Variants in NDUFA5 observed in about 807,000 individuals in gnomAD.
The protein encoded by NDUFA5 is NADH:ubiquinone oxidoreductase subunit A5, also known as NADH dehydrogenase [ubiquinone] 1 alpha subcomplex subunit 5.
Under a neutral mutation model 19.8 loss-of-function variants are expected in NDUFA5, and 11 were observed. The ratio of observed to expected loss-of-function variants is 0.56; its 90% CI spans 0.35 to 0.92. The LOEUF is 0.92. Among genes scored for constraint, NDUFA5 ranks in the 40% least tolerant of loss-of-function variants. The pLI, the probability that NDUFA5 is intolerant of heterozygous loss-of-function variation, is 0.01. For missense variants in NDUFA5, 109 were observed against 134.2 expected, an observed-to-expected ratio of 0.81 and a Z score of 0.93; for synonymous variants, 47 against 46.8, an observed-to-expected ratio of 1.00 and a Z score of -0.01.
rs1797804918 is a variant in NDUFA5, at chr7:123,538,063, GCA to G, written c.*4054_*4055del. 1 of 151,902 alleles carries G rather than the reference GCA, an allele frequency of 6.6e-6. No individual in the cohort carries two copies. Among genetic ancestry groups the G allele is most frequent in the Non-Finnish European group, 1.5e-5 (1 of 67,972 alleles). 9.4% of individuals were successfully genotyped at this position (151,902 alleles called of 1,614,324 possible). On this transcript the variant is annotated 3_prime_UTR_variant, in exon 5 of 5. Transcript: ENST00000355749. ...GCAAGTTCAATTCATAAATTTTGTG[GCA>G]CAGTCAAAAAAAAATTTAACCTTGG... is the stretch of plus-strand genomic sequence containing the variant.
chr7:123,591,390 G>A, the NDUFA5 span, among the ~76,000 whole-genome samples: 1 of 152,154 alleles, frequency 6.6e-6, no homozygotes, highest in Non-Finnish European at 1.5e-5. Flanking sequence ...TTTTCAAAAG[G>A]AATGCTTCCA....
the NDUFA5 span, among the ~76,000 whole-genome samples, chr7:123,597,064 C>T: frequency 6.6e-6 from 1 of 152,228 alleles, no homozygotes; most frequent in Non-Finnish European, 1.5e-5. Flanking sequence ...ATCCCTCTTA[C>T]ACACGGTTTT....
chr7:123,540,277 T>C lies in NDUFA5; in HGVS notation c.*1842A>G, dbSNP rs1336688635. The C allele has an allele frequency of 6.6e-6, 1 of 152,216 alleles. No individual in the cohort carries two copies. Among genetic ancestry groups the C allele is most frequent in the Non-Finnish European group, 1.5e-5 (1 of 68,036 alleles). The allele number at this position is 152,216 out of a possible 1,614,324, so 9.4% of individuals were successfully genotyped here. A position where few individuals can be genotyped will look rare whatever the true frequency, so the allele number is the denominator to read the frequency against. ...GCTATTATTGTTATAATATTATTTT[T>C]ACAATGACTATTATTCTGCAACTAG... On this transcript the variant is annotated 3_prime_UTR_variant, in exon 5 of 5. Coordinates refer to ENST00000355749, the MANE Select transcript of NDUFA5 (RefSeq NM_005000.5).
At chr7:123,562,163 T>C (rs1798697846), upstream of NDUFA5, among the ~76,000 whole-genome samples, 1 of 152,142 alleles carries the variant, frequency 6.6e-6, no homozygotes, top group Admixed American at 6.6e-5. Flanking sequence ...ACCAGGTACA[T>C]TTTCAATGAG....
intron 2 of NDUFA5, among the ~76,000 whole-genome samples, chr7:123,553,853 T>C (rs1249683409): frequency 6.6e-6 from 1 of 152,212 alleles, no homozygotes; most frequent in Non-Finnish European, 1.5e-5. Context: ...ATTATTTTTC[T>C]ATAGCAGAAG....
At chr7:123,569,377 A>T in the NDUFA5 span, among the ~76,000 whole-genome samples, 28 of 152,352 alleles carry the variant, frequency 1.8e-4, no homozygotes, top group African/African-American at 6.5e-4. Flanking sequence ...AGGGGAAAAA[A>T]TGTGGTCCAG....
the NDUFA5 span, among the ~76,000 whole-genome samples, chr7:123,567,555 A>G: frequency 0.16 from 24,096 of 152,124 alleles, 2,099 homozygotes; most frequent in South Asian, 0.22. Context: ...ACTGGGTCCT[A>G]CCAAAGTTAG....
At chr7:123,588,630 T>G in the NDUFA5 span, among the ~76,000 whole-genome samples, 2 of 151,398 alleles carry the variant, frequency 1.3e-5, no homozygotes, top group African/African-American at 4.8e-5. Context: ...GTTATTTTGT[T>G]TTTCTTTTTC....
the NDUFA5 span, among the ~76,000 whole-genome samples, chr7:123,580,827 G>T: frequency 6.6e-6 from 1 of 151,920 alleles, no homozygotes; most frequent in Admixed American, 6.6e-5. Context: ...AATAAACATA[G>T]CCATCATTAT....
At chr7:123,576,065 T>C in the NDUFA5 span, among the ~76,000 whole-genome samples, 2 of 151,294 alleles carry the variant, frequency 1.3e-5, no homozygotes, top group Non-Finnish European at 3.0e-5. Flanking sequence ...TATGTAAATA[T>C]ACATATAAAT....
At chr7:123,585,818 T>TATC in the NDUFA5 span, among the ~76,000 whole-genome samples, 2 of 151,852 alleles carry the variant, frequency 1.3e-5, no homozygotes, top group South Asian at 4.1e-4. Flanking sequence ...ATATAAGAGA[T>TATC]ATCATGCAGT....
rs1010415749 is a variant in NDUFA5 at position 123,540,270 on chromosome 7, T to C, written c.*1849A>G. The stretch of plus-strand genomic sequence containing the variant: ...AACATTAGCTATTATTGTTATAATA[T>C]TATTTTTACAATGACTATTATTCTG... On this transcript the variant is annotated 3_prime_UTR_variant, in exon 5 of 5. Coordinates refer to ENST00000355749, the MANE Select transcript of NDUFA5 (RefSeq NM_005000.5). The C allele has an allele frequency of 1.3e-5, 2 of 152,196 alleles. No individual in the cohort carries two copies. Among genetic ancestry groups the C allele is most frequent in the Non-Finnish European group, 2.9e-5 (2 of 68,040 alleles). 9.4% of individuals were successfully genotyped at this position (152,196 alleles called of 1,614,324 possible).
the NDUFA5 span, among the ~76,000 whole-genome samples, chr7:123,575,666 T>C: frequency 6.6e-6 from 1 of 152,070 alleles, no homozygotes; most frequent in African/African-American, 2.4e-5. Flanking sequence ...ACCTTTATCT[T>C]TGAAGGACAG....
At chr7:123,585,738 C>T in the NDUFA5 span, among the ~76,000 whole-genome samples, 3 of 151,632 alleles carry the variant, frequency 2.0e-5, 1 homozygote, top group South Asian at 6.2e-4. Flanking sequence ...AGTTACCATG[C>T]TGTACATTAG....
At chr7:123,587,793 G>C in the NDUFA5 span, among the ~76,000 whole-genome samples, 9 of 151,658 alleles carry the variant, frequency 5.9e-5, no homozygotes, top group Non-Finnish European at 1.5e-5. Flanking sequence ...CAGTTGAGAT[G>C]ATCATGATTT....
intron 3 of NDUFA5, among the ~76,000 whole-genome samples, chr7:123,549,071 G>A (rs888198273): frequency 2.0e-5 from 3 of 152,170 alleles, no homozygotes; most frequent in South Asian, 2.1e-4. Context: ...TAGGTTATAT[G>A]CAAATACTAT....
At position 123,557,789 on chromosome 7, in the gene NDUFA5, C is replaced by T. The variant is rs142796340; in HGVS notation, c.7G>A (p.Gly3Ser). ...ATTCGTCTCACCTTCTTCAGCACAC[C>T]CGCCATGACAGCGCCAACGACTCGG... is the stretch of plus-strand genomic sequence containing the variant. MA[G>S]VLKKTTGLVG... The change falls in exon 1 of 5, where the codon GGT (glycine) becomes AGT (serine). Residue 3 changes from glycine to serine, a missense_variant. Gly to Ser is a moderately conservative substitution (Grantham distance 56). Coordinates refer to ENST00000355749, the MANE Select transcript of NDUFA5 (RefSeq NM_005000.5). 2.5e-6 allele frequency: 4 copies of T among 1,613,942 alleles called. No individual in the cohort carries two copies. The highest frequency in any genetic ancestry group is 1.6e-4 in the Middle Eastern group (1 of 6,084).
rs201784621 is a variant in NDUFA5, at chr7:123,540,883, T to TGCGCGCGCGCGCGCGCGC, written c.*1235_*1236insGCGCGCGCGCGCGCGCGC. Reference sequence around the variant, plus strand: ...TTCTCATTCTGAGCAAATGTGCGCATGCGCGTGCACACACACACACACACA... The same window carrying TGCGCGCGCGCGCGCGCGC: ...TTCTCATTCTGAGCAAATGTGCGCATGCGCGCGCGCGCGCGCGCGCGCGTGCACACACACACACACACA... On this transcript the variant is annotated 3_prime_UTR_variant, in exon 5 of 5. Transcript: ENST00000355749. The TGCGCGCGCGCGCGCGCGC allele has an allele frequency of 1.1e-5, 1 of 88,914 alleles. No homozygotes were observed. The highest frequency in any genetic ancestry group is 5.0e-5 in the African/African-American group (1 of 20,078). 5.5% of individuals were successfully genotyped at this position (88,914 alleles called of 1,614,324 possible). A position where few individuals can be genotyped will look rare whatever the true frequency, so the allele number is the denominator to read the frequency against.
chr7:123,573,562 C>T, the NDUFA5 span, among the ~76,000 whole-genome samples: 1 of 152,114 alleles, frequency 6.6e-6, no homozygotes, highest in African/African-American at 2.4e-5. Context: ...CTCTAGCCTC[C>T]CTCCCCCTGC....
Sources: allele counts gnomAD v4.1 joint callset (sites outside exome capture counted in the v4.1 genomes callset), GRCh38; gene constraint gnomAD v4.1.1; transcripts MANE v1.5; gene names NCBI Gene and HGNC (gene_info 2026-07-23, HGNC 2026-07-21).